The following ARHGEF10 variants were observed in gnomAD, a reference collection of about 807,000 sequenced individuals.
ARHGEF10 encodes Rho guanine nucleotide exchange factor 10, also known as Rho guanine nucleotide exchange factor (GEF) 10.
A neutral mutation model predicts 147.4 loss-of-function variants in ARHGEF10; 140 were observed. That is an observed-to-expected ratio of 0.95 (90% confidence interval 0.83 to 1.09). ARHGEF10 has a LOEUF of 1.09. Among genes scored for constraint, ARHGEF10 ranks in the 50% least tolerant of loss-of-function variants. The pLI, the probability that ARHGEF10 is intolerant of heterozygous loss-of-function variation, is 0.00. For missense variants in ARHGEF10, 2,222 were observed against 1,752.7 expected (o/e 1.27, Z -4.78); for synonymous variants, 902 against 695.8 (o/e 1.30, Z -4.67).
chr8:1,826,969 G>A (rs1374549915), intron 1 of ARHGEF10, among the ~76,000 whole-genome samples: 1 of 152,350 alleles, frequency 6.6e-6, no homozygotes, highest in East Asian at 1.9e-4. Context: ...AAGGTTCTGG[G>A]AGCTCTGCAG....
intron 26 of ARHGEF10, among the ~76,000 whole-genome samples, chr8:1,934,336 A>AGAACAAG (rs1451801726): frequency 7.0e-6 from 1 of 142,322 alleles, no homozygotes; most frequent in Non-Finnish European, 1.5e-5. Flanking sequence ...CCTGGGTGAC[A>AGAACAAG]GAACAAGACC....
chr8:1,896,475 G>C (rs936035473), intron 14 of ARHGEF10, 26 bp downstream of exon 14: 1 of 1,473,040 alleles, frequency 6.8e-7, no homozygotes, highest in Non-Finnish European at 9.5e-7. Context: ...TTTCATTTGG[G>C]TTTTAACACC....
chr8:1,932,193 C>CGT (rs567301510), intron 25 of ARHGEF10, among the ~76,000 whole-genome samples: 116 of 152,256 alleles, frequency 7.6e-4, no homozygotes, highest in Middle Eastern at 6.8e-3. Context: ...TGGAGGTTGC[C>CGT]GTGTGCCGTG....
In ARHGEF10 at chr8:1,882,219, C is replaced by G. The variant is rs144696958; in HGVS notation, c.961-416C>G. ...GCGGCCCTGTCAACAGCTGGCCATGCCCCCACATGGGGTGCAGTGGGAAGC... is the reference window on the plus strand; with the variant it reads ...GCGGCCCTGTCAACAGCTGGCCATGGCCCCACATGGGGTGCAGTGGGAAGC... On this transcript the variant is annotated intron_variant, in intron 9 of 28. Coordinates refer to ENST00000349830, the MANE Select transcript of ARHGEF10 (RefSeq NM_014629.4). 2.3e-3 allele frequency among the ~76,000 whole-genome samples: 346 copies of G among 152,332 alleles called. 1 individual carries two copies. Among genetic ancestry groups the G allele is most frequent in the Admixed American group, 4.7e-3 (72 of 15,300 alleles).
rs554506495 is a variant in ARHGEF10 at position 1,873,118 on chromosome 8, C to G, written c.680-3453C>G. 3.0e-4 allele frequency among the ~76,000 whole-genome samples: 45 copies of G among 152,254 alleles called. No homozygotes were observed. The East Asian group carries it at 7.4e-3, about 25-fold the overall frequency. On this transcript the variant is annotated intron_variant, in intron 7 of 28. Coordinates refer to ENST00000349830, the MANE Select transcript of ARHGEF10 (RefSeq NM_014629.4). ...GTCCCCTTTGTAAGGACAGCACAAG[C>G]AGGAGTTAATGGACCGGCCATCCAT...
At chr8:1,873,434 G>T (rs1253978028) in intron 7 of ARHGEF10, among the ~76,000 whole-genome samples, 1 of 125,478 alleles carries the variant, frequency 8.0e-6, no homozygotes, top group African/African-American at 2.9e-5. Flanking sequence ...ATTGAGAGGA[G>T]CCCGCGGGGT....
At chr8:1,840,638 C>G (rs962918845) in intron 1 of ARHGEF10, among the ~76,000 whole-genome samples, 5 of 151,718 alleles carry the variant, frequency 3.3e-5, no homozygotes, top group African/African-American at 1.2e-4. Flanking sequence ...TGGGGACTGT[C>G]CGACGTGGGG....
intron 11 of ARHGEF10, among the ~76,000 whole-genome samples, chr8:1,888,171 CA>C (rs1808899141): frequency 4.7e-5 from 3 of 64,304 alleles, no homozygotes; most frequent in Admixed American, 2.6e-4. Context: ...TGCGAGGAGA[CA>C]GTGAGTGGGG....
chr8:1,872,132 G>A (rs1807176400), intron 7 of ARHGEF10, among the ~76,000 whole-genome samples: 1 of 152,134 alleles, frequency 6.6e-6, no homozygotes, highest in South Asian at 2.1e-4. Context: ...GTAGAAATTT[G>A]TAAAAATCAT....
At position 1,870,227 on chromosome 8, in the gene ARHGEF10, T is replaced by C. The variant is rs545971872; in HGVS notation, c.679+977T>C. ...GGCATTTTTCAGGGGGAGGATCTTGTTACCGATTTTTTTTTTTTTTTTTTT... is the reference window on the plus strand; with the variant it reads ...GGCATTTTTCAGGGGGAGGATCTTGCTACCGATTTTTTTTTTTTTTTTTTT... On this transcript the variant is annotated intron_variant, in intron 7 of 28. Coordinates refer to ENST00000349830, the MANE Select transcript of ARHGEF10 (RefSeq NM_014629.4). The C allele has an allele frequency of 6.4e-5, 9 of 140,946 alleles. No individual in the cohort carries two copies. The South Asian group carries it at 1.7e-3, about 27-fold the overall frequency. The allele number at this position is 140,946 out of a possible 1,614,324, so 8.7% of individuals were successfully genotyped here. A position where few individuals can be genotyped will look rare whatever the true frequency, so the allele number is the denominator to read the frequency against.
At chr8:1,862,572 G>A (rs1053109788) in intron 4 of ARHGEF10, among the ~76,000 whole-genome samples, 1 of 152,334 alleles carries the variant, frequency 6.6e-6, no homozygotes, top group South Asian at 2.1e-4. Flanking sequence ...GGAAAGAAGA[G>A]TTTCCTGGGG....
At chr8:1,851,713 G>T (rs1240630899) in intron 2 of ARHGEF10, among the ~76,000 whole-genome samples, 1 of 152,124 alleles carries the variant, frequency 6.6e-6, no homozygotes, top group African/African-American at 2.4e-5. Flanking sequence ...AGGAGTTTGA[G>T]ACCAGCCTGG....
Position 1,864,408 on chromosome 8 carries a change from T to A in ARHGEF10, c.517T>A (p.Ser173Thr), listed in dbSNP as rs766924341. The change falls in exon 5 of 29, where the codon TCT (serine) becomes ACT (threonine). Residue 173 changes from serine to threonine, a missense_variant. Ser to Thr is a moderately conservative substitution (Grantham distance 58). Coordinates refer to ENST00000349830, the MANE Select transcript of ARHGEF10 (RefSeq NM_014629.4). Reference protein sequence around the residue: ...PEVTEDRQPNSLSSEEPPTSE... With the variant: ...PEVTEDRQPNTLSSEEPPTSE... ...AGTCACAGAAGATCGCCAGCCCAAT[T>A]CTCTGAGTTCCGAGGAGCCTCCAAC... is the stretch of plus-strand genomic sequence containing the variant. The A allele has an allele frequency of 6.2e-7, 1 of 1,614,126 alleles. No individual in the cohort carries two copies. The highest frequency in any genetic ancestry group is 8.5e-7 in the Non-Finnish European group (1 of 1,179,994).
chr8:1,895,277 A>G (rs945566275), intron 13 of ARHGEF10, among the ~76,000 whole-genome samples: 2 of 152,218 alleles, frequency 1.3e-5, no homozygotes, highest in African/African-American at 4.8e-5. Context: ...TTCTACCTAG[A>G]TGTAGAGGAT....
In ARHGEF10 at chr8:1,903,390, C is replaced by T; in HGVS notation, c.1760C>T (p.Ala587Val). The change falls in exon 16 of 29, where the codon GCT becomes GTT. Residue 587 changes from alanine to valine, a missense_variant. Physicochemically the swap from Ala to Val is moderately conservative, Grantham distance 64. Transcript: ENST00000349830. ...AEKLNERKRDADQRCEVKQIA... is the reference protein window; with the variant it reads ...AEKLNERKRDVDQRCEVKQIA... The stretch of plus-strand genomic sequence containing the variant: ...AAGTTAAATGAAAGAAAGAGAGATG[C>T]TGATCAACGCTGTGAAGTGAAGCAA... The T allele has an allele frequency of 3.7e-6, 6 of 1,614,214 alleles. No homozygotes were observed. The highest frequency in any genetic ancestry group is 5.1e-6 in the Non-Finnish European group (6 of 1,180,044).
At chr8:1,905,742 G>T in intron 17 of ARHGEF10, 26 bp downstream of exon 17, 1 of 1,611,324 alleles carries the variant, frequency 6.2e-7, no homozygotes, top group East Asian at 2.2e-5. Flanking sequence ...CTCTATAGTA[G>T]TCCTACCATC....
chr8:1,952,527 C>T (rs1815139077), intron 27 of ARHGEF10, among the ~76,000 whole-genome samples, 178 bp from the exon 28 acceptor site: 1 of 152,252 alleles, frequency 6.6e-6, no homozygotes. Flanking sequence ...AGACCCTTGT[C>T]TTGCTCATGT....
chr8:1,903,046 C>G (rs112389987), intron 15 of ARHGEF10, among the ~76,000 whole-genome samples: 1 of 152,150 alleles, frequency 6.6e-6, no homozygotes, highest in African/African-American at 2.4e-5. Flanking sequence ...TTAGCGTGTC[C>G]TTTATTGTAC....
chr8:1,905,466 C>T (rs2129177568), intron 16 of ARHGEF10, 105 bp from the exon 17 acceptor site: 2 of 1,402,668 alleles, frequency 1.4e-6, no homozygotes, highest in Admixed American at 1.7e-5. Context: ...GTAAAGCGCT[C>T]AGTTTGGAAA....
Sources: gnomAD v4.1 joint callset for allele counts (sites outside exome capture counted in the v4.1 genomes callset) on GRCh38, gnomAD v4.1.1 for gene constraint, MANE v1.5 for transcripts, NCBI Gene and HGNC (gene_info 2026-07-23, HGNC 2026-07-21) for gene names.